SCNN1B: variants seen among roughly 807,000 people sequenced by gnomAD.
The protein encoded by SCNN1B is sodium channel epithelial 1 subunit beta.
SCNN1B carries 46 observed loss-of-function variants against 65.3 expected under a neutral mutation model. That is an observed-to-expected ratio of 0.70 (90% CI 0.56 to 0.90). SCNN1B has a LOEUF of 0.90. Among genes scored for constraint, SCNN1B ranks in the 40% least tolerant of loss-of-function variants. SCNN1B has a pLI of 0.00. For missense variants in SCNN1B, 751 were observed against 830.5 expected (o/e 0.90, Z 1.18); for synonymous variants, 349 against 330.6 (o/e 1.06, Z -0.60).
chr16:23,347,103 A>G (rs1962206370), intron 1 of SCNN1B, among the ~76,000 whole-genome samples: 1 of 152,058 alleles, frequency 6.6e-6, no homozygotes, highest in Admixed American at 6.5e-5. Flanking sequence ...TCTCAAACAA[A>G]CAAACAAAAA....
intron 2 of SCNN1B, among the ~76,000 whole-genome samples, 169 bp from the exon 3 acceptor site, chr16:23,352,632 T>C (rs1962333463): frequency 6.6e-6 from 1 of 152,234 alleles, no homozygotes; most frequent in African/African-American, 2.4e-5. Flanking sequence ...TCTCCAGCCA[T>C]GTAGAACTGT....
intron 5 of SCNN1B, 88 bp from the exon 6 acceptor site, chr16:23,371,211 C>A (rs1002143139): frequency 6.7e-7 from 1 of 1,489,246 alleles, no homozygotes; most frequent in South Asian, 1.2e-5. Flanking sequence ...GGTCCCCTGG[C>A]CGGAGGGAGC....
At chr16:23,297,050 A>G (rs1348227064) in intron 2 of SCNN1B, among the ~76,000 whole-genome samples, 3 of 151,482 alleles carry the variant, frequency 2.0e-5, no homozygotes, top group African/African-American at 4.9e-5. Flanking sequence ...TCTGCCTTTG[A>G]TCAATGGAAT....
At chr16:23,321,654 A>T (rs1961589890) in intron 1 of SCNN1B, among the ~76,000 whole-genome samples, 1 of 152,150 alleles carries the variant, frequency 6.6e-6, no homozygotes, top group Admixed American at 6.5e-5. Flanking sequence ...ATTAAATGAG[A>T]TGATGGCTTA....
chr16:23,317,714 CT>C (rs72652298), intron 1 of SCNN1B, among the ~76,000 whole-genome samples: 227 of 152,270 alleles, frequency 1.5e-3, no homozygotes, highest in African/African-American at 5.3e-3. Context: ...GCTCATCTCC[CT>C]TTTTGATGAT....
chr16:23,333,193 GGAA>G (rs1961862134), intron 1 of SCNN1B, among the ~76,000 whole-genome samples: 2 of 123,894 alleles, frequency 1.6e-5, no homozygotes, highest in Admixed American at 1.5e-4. Context: ...AAGGAAGGAA[GGAA>G]GGAAGGAAGG....
At position 23,380,020 on chromosome 16, in the gene SCNN1B, A is replaced by C; in HGVS notation, c.1467-74A>C. 9.2e-7 allele frequency: 1 copy of C among 1,090,100 alleles called. No individual in the cohort carries two copies. Among genetic ancestry groups the C allele is most frequent in the East Asian group, 2.4e-5 (1 of 42,438 alleles). 67.5% of individuals were successfully genotyped at this position (1,090,100 alleles called of 1,614,324 possible). On this transcript the variant is annotated intron_variant, in intron 11 of 12. Transcript: ENST00000343070. The surrounding 1 kb of genome is among the most constrained non-coding windows in gnomAD (Gnocchi z 5.4). ...CACGTGCATGTGTGTGCATGTGTCTATGTGCGTGTGTGTGTGTCTGTCTGT... is the reference window on the plus strand; with the variant it reads ...CACGTGCATGTGTGTGCATGTGTCTCTGTGCGTGTGTGTGTGTCTGTCTGT...
At chr16:23,347,684 G>C (rs185943975) in intron 1 of SCNN1B, among the ~76,000 whole-genome samples, 1 of 152,306 alleles carries the variant, frequency 6.6e-6, no homozygotes, top group East Asian at 1.9e-4. Flanking sequence ...GAGGTGGGTG[G>C]ATCACTTGAG....
chr16:23,284,141 G>T (rs1022970930), intron 2 of SCNN1B, among the ~76,000 whole-genome samples: 1 of 152,104 alleles, frequency 6.6e-6, no homozygotes, highest in African/African-American at 2.4e-5. Context: ...GCAGTGGCTC[G>T]CACCTGTAAT....
chr16:23,304,246 A>C (rs1259340408), intron 1 of SCNN1B: 1 of 601,752 alleles, frequency 1.7e-6, no homozygotes, highest in African/African-American at 2.2e-5. Context: ...CGGACCCATG[A>C]ATGCATGCAC....
chr16:23,280,538 A>C (rs908092502), intron 1 of SCNN1B, among the ~76,000 whole-genome samples: 1 of 152,136 alleles, frequency 6.6e-6, no homozygotes, highest in Non-Finnish European at 1.5e-5. Context: ...TATTATTATG[A>C]GCTCTAGTTT....
rs71858801 is a variant in SCNN1B, at chr16:23,291,475, A to AGTGTGTGTGT, written n.178+7690_178+7699dup. 1.7e-3 allele frequency among the ~76,000 whole-genome samples: 245 copies of AGTGTGTGTGT among 145,554 alleles called. 2 individuals are homozygous for AGTGTGTGTGT. The highest frequency in any genetic ancestry group is 5.0e-3 in the African/African-American group (197 of 39,654). ...ATCCATATATATATGTGTGTGTGTA[A>AGTGTGTGTGT]GTGTGTGTGTGTGTGTGTGTGTGTG... is the stretch of plus-strand genomic sequence containing the variant. On this transcript the variant is annotated intron_variant and non_coding_transcript_variant, in intron 2 of 3. Coordinates refer to the SCNN1B transcript ENST00000569789.
rs755363325 is a variant in SCNN1B at position 23,380,674 on chromosome 16, C to T, written c.1796C>T (p.Pro599Leu). The T allele has an allele frequency of 6.2e-7, 1 of 1,612,674 alleles. No homozygotes were observed. Among genetic ancestry groups the T allele is most frequent in the South Asian group, 1.1e-5 (1 of 91,004 alleles). The change falls in exon 13 of 13, where the codon CCC (proline) becomes CTC (leucine). Residue 599 changes from proline to leucine, a missense_variant. Pro to Leu is a moderately conservative substitution (Grantham distance 98). Coordinates refer to ENST00000343070, the MANE Select transcript of SCNN1B (RefSeq NM_000336.3). The surrounding 1 kb of genome is among the most constrained non-coding windows in gnomAD (Gnocchi z 5.4). ...GFQPDTAPRSPNTGPYPSEQA... is the reference protein window; with the variant it reads ...GFQPDTAPRSLNTGPYPSEQA... ...CAGCCTGACACGGCCCCCCGCAGCC[C>T]CAACACTGGGCCCTACCCCAGTGAG...
chr16:23,375,910 T>C, intron 8 of SCNN1B, 55 bp downstream of exon 8: 1 of 1,236,134 alleles, frequency 8.1e-7, no homozygotes, highest in Non-Finnish European at 1.2e-6. Context: ...ACAGAGGCTC[T>C]GACCATAGAG....
At chr16:23,310,290 C>CAAA (rs202228096) in intron 1 of SCNN1B, among the ~76,000 whole-genome samples, 19 of 92,962 alleles carry the variant, frequency 2.0e-4, no homozygotes, top group Admixed American at 3.6e-4. Flanking sequence ...TCTGCATGAC[C>CAAA]AAAAAAAAAA....
At chr16:23,357,168 G>A (rs1027541271) in intron 4 of SCNN1B, among the ~76,000 whole-genome samples, 124 of 152,376 alleles carry the variant, frequency 8.1e-4, no homozygotes, top group African/African-American at 2.6e-3. Flanking sequence ...CTATGGGCAC[G>A]TGACAGGCTT....
chr16:23,343,509 A>AG (rs1429039403), intron 1 of SCNN1B, among the ~76,000 whole-genome samples: 4 of 76,530 alleles, frequency 5.2e-5, no homozygotes, highest in South Asian at 8.4e-4. Flanking sequence ...GAAGGAAGGA[A>AG]AAGGAAGGAA....
chr16:23,372,681 G>C (rs533164663), intron 7 of SCNN1B, among the ~76,000 whole-genome samples: 122 of 151,744 alleles, frequency 8.0e-4, no homozygotes, highest in African/African-American at 2.9e-3. Flanking sequence ...TTTTAGTAGA[G>C]ACGGGGTTTC....
chr16:23,321,508 C>A (rs957447938), intron 1 of SCNN1B, among the ~76,000 whole-genome samples: 1 of 152,168 alleles, frequency 6.6e-6, no homozygotes, highest in Non-Finnish European at 1.5e-5. Context: ...AGAGCCTGGA[C>A]CCTGGGAAAG....
Sources: gnomAD v4.1 joint callset for allele counts (sites outside exome capture counted in the v4.1 genomes callset) on GRCh38, gnomAD v4.1.1 for gene constraint, Gnocchi (gnomAD v3.1) non-coding constraint, MANE v1.5 for transcripts, NCBI Gene and HGNC (gene_info 2026-07-23, HGNC 2026-07-21) for gene names.